The following SPIC variants were observed in gnomAD, a reference collection of about 807,000 sequenced individuals.
SPIC encodes Spi-C transcription factor.
A neutral mutation model predicts 16.7 loss-of-function variants in SPIC; 9 were observed. That is an observed-to-expected ratio of 0.54 (90% CI 0.33 to 0.94). SPIC has a LOEUF of 0.94. SPIC is among the 40% of genes least tolerant of loss of function. SPIC has a pLI of 0.03. For synonymous variants in SPIC, 97 were observed against 102.9 expected, an observed-to-expected ratio of 0.94 and a Z score of 0.35; for missense variants, 241 against 285.8, an observed-to-expected ratio of 0.84 and a Z score of 1.13.
chr12:101,483,969 A>T (rs1446314602), intron 5 of SPIC, among the ~76,000 whole-genome samples: 2 of 151,620 alleles, frequency 1.3e-5, no homozygotes, highest in African/African-American at 4.8e-5. Flanking sequence ...AATACATTTT[A>T]TTTATTTATT....
At chr12:101,482,659 C>A (rs1593493434) in intron 4 of SPIC, 133 bp from the exon 5 acceptor site, 3 of 763,890 alleles carry the variant, frequency 3.9e-6, no homozygotes, top group East Asian at 5.0e-5. Context: ...AGCTATCTGG[C>A]TGCAGTTGGG....
At chr12:101,482,926 C>T in intron 5 of SPIC, 26 bp downstream of exon 5, 1 of 1,590,518 alleles carries the variant, frequency 6.3e-7, no homozygotes, top group Non-Finnish European at 8.6e-7. Flanking sequence ...ATTCGTTATA[C>T]AGGTAAAAGA....
At chr12:101,479,220 GAAGGAAAGAAAGAAAGAAAGAA>G (rs1565831123) in intron 3 of SPIC, among the ~76,000 whole-genome samples, 53 of 84,760 alleles carry the variant, frequency 6.3e-4, no homozygotes, top group Admixed American at 8.5e-4. Context: ...AAGAAAGAAA[GAAGGAAAGAAAGAAAGAAAGAA>G]AAAGAAAGAA....
chr12:101,480,086 G>A (rs555428240), intron 4 of SPIC, among the ~76,000 whole-genome samples: 121 of 152,284 alleles, frequency 7.9e-4, no homozygotes, highest in African/African-American at 2.8e-3. Flanking sequence ...CAAAGGGAAG[G>A]ATTACAGGCG....
chr12:101,484,921 G>A (rs1374264950), intron 5 of SPIC, among the ~76,000 whole-genome samples: 3 of 151,978 alleles, frequency 2.0e-5, no homozygotes, highest in Middle Eastern at 3.4e-3. Flanking sequence ...AAAAAAATAC[G>A]GAAAACTTTA....
rs772289115 is a variant in SPIC, at chr12:101,486,360, A to C, written c.336A>C (p.Arg112=). The C allele has an allele frequency of 5.1e-5, 82 of 1,608,450 alleles. 1 individual carries two copies. The South Asian group carries it at 8.0e-4, about 16-fold the overall frequency. ...TCATTTTAGGCAGGAAGAAGCTCCGACTGTTTGAATACCTTCACGAATCCC... is the reference window on the plus strand; with the variant it reads ...TCATTTTAGGCAGGAAGAAGCTCCGCCTGTTTGAATACCTTCACGAATCCC... ...QKGGKGRKKL[R]LFEYLHESLY... Residue 112 remains arginine (R), a synonymous_variant, in exon 6 of 6, where the codon CGA becomes CGC. Coordinates refer to ENST00000551346, the MANE Select transcript of SPIC (RefSeq NM_152323.3).
intron 3 of SPIC, 62 bp downstream of exon 3, chr12:101,477,713 C>A: frequency 7.2e-7 from 1 of 1,393,234 alleles, no homozygotes. Flanking sequence ...GTCACATACA[C>A]ATATAAGAAT....
In SPIC at chr12:101,486,389, A is replaced by G. The variant is rs750019172; in HGVS notation, c.365A>G (p.Tyr122Cys). 5 of 1,613,814 alleles carry G rather than the reference A, an allele frequency of 3.1e-6. No homozygotes were observed. The highest frequency in any genetic ancestry group is 1.3e-5 in the African/African-American group (1 of 74,864). ...TTTGAATACCTTCACGAATCCCTGT[A>G]TAATCCGGAGATGGCATCTTGTATT... ...RLFEYLHESL[Y>C]NPEMASCIQW... is the part of the protein sequence containing the mutation. The change falls in exon 6 of 6, where the codon TAT (tyrosine) becomes TGT (cysteine). Residue 122 changes from tyrosine to cysteine, a missense_variant. By Grantham distance (194) the Tyr-to-Cys change is radical (BLOSUM62 -2). Coordinates refer to ENST00000551346, the MANE Select transcript of SPIC (RefSeq NM_152323.3).
intron 5 of SPIC, among the ~76,000 whole-genome samples, chr12:101,485,132 C>A (rs1873328090): frequency 6.6e-6 from 1 of 152,156 alleles, no homozygotes; most frequent in African/African-American, 2.4e-5. Flanking sequence ...ATGCATCATG[C>A]AAGAGTATTA....
At chr12:101,482,714 C>T in intron 4 of SPIC, 78 bp from the exon 5 acceptor site, 1 of 1,372,486 alleles carries the variant, frequency 7.3e-7, no homozygotes. Flanking sequence ...CTCTTTTTCC[C>T]CTAACTTTTG....
chr12:101,486,380 A>T lies in SPIC; in HGVS notation c.356A>T (p.Glu119Val). 6.2e-7 allele frequency: 1 copy of T among 1,612,884 alleles called. No individual in the cohort carries two copies. The highest frequency in any genetic ancestry group is 8.5e-7 in the Non-Finnish European group (1 of 1,179,458). The change falls in exon 6 of 6, where the codon GAA becomes GTA. Residue 119 changes from glutamate (E) to valine (V), a missense_variant. Physicochemically the swap from Glu to Val is moderately radical, Grantham distance 121. Transcript: ENST00000551346. ...CTCCGACTGTTTGAATACCTTCACG[A>T]ATCCCTGTATAATCCGGAGATGGCA... ...KKLRLFEYLH[E>V]SLYNPEMASC...
At chr12:101,479,505 C>CAT in intron 3 of SPIC, 77 bp from the exon 4 acceptor site, 6 of 1,074,026 alleles carry the variant, frequency 5.6e-6, no homozygotes, top group South Asian at 2.9e-5. Context: ...TCTATAAGTG[C>CAT]ATATATATAC....
Position 101,479,270 on chromosome 12 carries a change from G to GAAAGAAAGAA in SPIC, c.98-310_98-301dup, listed in dbSNP as rs1873092437. Among the ~76,000 whole-genome samples, 2 of 93,016 alleles carry GAAAGAAAGAA rather than the reference G, an allele frequency of 2.2e-5. 1 individual carries two copies. The highest frequency in any genetic ancestry group is 4.1e-5 in the Non-Finnish European group (2 of 48,588). 61.0% of individuals were successfully genotyped at this position (93,016 alleles called of 152,430 possible). The stretch of plus-strand genomic sequence containing the variant: ...AGAAAGAAAGAAGGAAGGAAAGAAA[G>GAAAGAAAGAA]AAAGAAAGAAAGAAAAAGAAAGAAA... On this transcript the variant is annotated intron_variant, in intron 3 of 5. Coordinates refer to ENST00000551346, the MANE Select transcript of SPIC (RefSeq NM_152323.3).
At chr12:101,486,116 C>T (rs1046901144) in intron 5 of SPIC, among the ~76,000 whole-genome samples, 1 of 152,200 alleles carries the variant, frequency 6.6e-6, no homozygotes, top group East Asian at 1.9e-4. Flanking sequence ...ACATTCTTAA[C>T]AACTTCTCCA....
chr12:101,486,672 T>G lies in SPIC; in HGVS notation c.648T>G (p.Cys216Trp), dbSNP rs763912007. 1 of 1,613,448 alleles carries G rather than the reference T, an allele frequency of 6.2e-7. No individual in the cohort carries two copies. The highest frequency in any genetic ancestry group is 1.3e-5 in the African/African-American group (1 of 74,918). ...GGAAAGAGATCTTCTATTCACAGTG[T>G]GTTCAACCTGATCAAGAATATCTCA... ...FLGKEIFYSQ[C>W]VQPDQEYLSL... is the part of the protein sequence containing the mutation. Residue 216 changes from cysteine (C) to tryptophan (W), a missense_variant, in exon 6 of 6, where the codon TGT becomes TGG. By Grantham distance (215) the Cys-to-Trp change is radical. Transcript: ENST00000551346.
chr12:101,479,245 A>G lies in SPIC; in HGVS notation c.98-337A>G, dbSNP rs1593490997. 1.9e-5 allele frequency among the ~76,000 whole-genome samples: 2 copies of G among 104,218 alleles called. 1 individual carries two copies. Among genetic ancestry groups the G allele is most frequent in the Non-Finnish European group, 3.7e-5 (2 of 54,638 alleles). 68.4% of individuals were successfully genotyped at this position (104,218 alleles called of 152,430 possible). On this transcript the variant is annotated intron_variant, in intron 3 of 5. Coordinates refer to ENST00000551346, the MANE Select transcript of SPIC (RefSeq NM_152323.3). The stretch of plus-strand genomic sequence containing the variant: ...GAAGGAAAGAAAGAAAGAAAGAAAA[A>G]GAAAGAAAGAAGGAAGGAAAGAAAG...
intron 5 of SPIC, among the ~76,000 whole-genome samples, chr12:101,484,329 T>C (rs1873296764): frequency 6.8e-6 from 1 of 148,000 alleles, no homozygotes; most frequent in African/African-American, 2.5e-5. Context: ...GGGTCAGGAG[T>C]TCGAGACGAA....
Position 101,486,895 on chromosome 12 carries a change from T to A in SPIC, c.*124T>A, listed in dbSNP as rs190543429. On this transcript the variant is annotated 3_prime_UTR_variant, in exon 6 of 6. Coordinates refer to ENST00000551346, the MANE Select transcript of SPIC (RefSeq NM_152323.3). Reference sequence around the variant, plus strand: ...AGGATTTTTCTCTTAAAGCAAATACTAAAGAGGAAAAAAAATTAACTTTAT... The same window carrying A: ...AGGATTTTTCTCTTAAAGCAAATACAAAAGAGGAAAAAAAATTAACTTTAT... 1.5e-3 allele frequency: 1,127 copies of A among 755,636 alleles called. 3 individuals are homozygous for A. Among genetic ancestry groups the A allele is most frequent in the Non-Finnish European group, 2.1e-3 (1,049 of 502,506 alleles). 46.8% of individuals were successfully genotyped at this position (755,636 alleles called of 1,614,324 possible).
chr12:101,478,908 G>A (rs993779887), intron 3 of SPIC, among the ~76,000 whole-genome samples: 2 of 144,630 alleles, frequency 1.4e-5, no homozygotes, highest in Non-Finnish European at 3.2e-5. Flanking sequence ...AAGCCAAGGT[G>A]GGTGGATCAC....
Sources: gnomAD v4.1 joint callset for allele counts (sites outside exome capture counted in the v4.1 genomes callset) on GRCh38, gnomAD v4.1.1 for gene constraint, MANE v1.5 for transcripts, NCBI Gene and HGNC (gene_info 2026-07-23, HGNC 2026-07-21) for gene names.